The following CTNND2 variants were observed in gnomAD, a reference collection of about 807,000 sequenced individuals.
CTNND2 encodes the protein catenin delta 2.
In CTNND2, 22 loss-of-function variants were observed where a neutral mutation model predicts 144.4. The ratio of observed to expected loss-of-function variants is 0.15; its 90% CI spans 0.11 to 0.22. The LOEUF (loss-of-function observed/expected upper bound fraction) is 0.22. Ranked by LOEUF, CTNND2 falls within the 10% of genes least tolerant of loss-of-function variation. CTNND2 has a pLI of 1.00. For synonymous variants in CTNND2, 751 were observed against 695.6 expected (o/e 1.08, Z -1.25); for missense variants, 1,353 against 1,618.8 (o/e 0.84, Z 2.82).
rs962740585 is a variant in CTNND2 at position 11,117,356 on chromosome 5, A to G, written c.2277+94T>C. ...AGAGAGTTCAGAAGGAAAGTCTGAA[A>G]TACTGCATTGGCTCTCCAGGGTTGT... On this transcript the variant is annotated intron_variant, in intron 13 of 21. Transcript: ENST00000304623. 4 of 920,970 alleles carry G rather than the reference A, an allele frequency of 4.3e-6. No individual in the cohort carries two copies. In the Admixed American group the frequency reaches 7.3e-5, roughly 17 times the overall value. 57.0% of individuals were successfully genotyped at this position (920,970 alleles called of 1,614,324 possible). A position where few individuals can be genotyped will look rare whatever the true frequency, so the allele number is the denominator to read the frequency against.
At chr5:11,508,322 G>A (rs1771276304) in intron 3 of CTNND2, 2 of 152,196 alleles carry the variant, frequency 1.3e-5, no homozygotes, top group Admixed American at 1.3e-4. Flanking sequence ...TGTGGGATCT[G>A]ACTTTTTCCC....
chr5:11,244,488 T>C (rs1255664446), intron 9 of CTNND2, among the ~76,000 whole-genome samples: 2 of 152,146 alleles, frequency 1.3e-5, no homozygotes, highest in Non-Finnish European at 2.9e-5. Flanking sequence ...TTTTGCCATA[T>C]TGGCCAGGCT....
intron 1 of CTNND2, among the ~76,000 whole-genome samples, chr5:11,864,686 G>T (rs1240329843): frequency 6.6e-6 from 1 of 152,054 alleles, no homozygotes; most frequent in South Asian, 2.1e-4. Context: ...TGTAAGATGT[G>T]AGTGGCATCC....
intron 16 of CTNND2, among the ~76,000 whole-genome samples, chr5:11,070,263 T>C (rs1429907392): frequency 6.6e-6 from 1 of 151,772 alleles, no homozygotes; most frequent in Non-Finnish European, 1.5e-5. Context: ...AGCAGAGAAA[T>C]GGAAACTATA....
intron 7 of CTNND2, among the ~76,000 whole-genome samples, chr5:11,377,181 G>T (rs776511243): frequency 6.6e-6 from 1 of 151,942 alleles, no homozygotes; most frequent in Non-Finnish European, 1.5e-5. Context: ...CTCCTGAGTA[G>T]CTGGGATTAC....
intron 2 of CTNND2, among the ~76,000 whole-genome samples, chr5:11,700,685 T>G (rs919432283): frequency 1.3e-5 from 2 of 152,174 alleles, no homozygotes; most frequent in Non-Finnish European, 2.9e-5. Context: ...AATAGAGCAC[T>G]AGTTGAATAG....
At chr5:10,975,409 T>C (rs1410508189) in intron 21 of CTNND2, among the ~76,000 whole-genome samples, 1 of 152,250 alleles carries the variant, frequency 6.6e-6, no homozygotes, top group Non-Finnish European at 1.5e-5. Flanking sequence ...TGTGTCTGTC[T>C]ACATCAATAT....
chr5:11,183,506 A>T (rs902725759), intron 11 of CTNND2, among the ~76,000 whole-genome samples: 1 of 152,120 alleles, frequency 6.6e-6, no homozygotes. Flanking sequence ...GATACCCAGC[A>T]GCTAAGGCCC....
At chr5:11,149,204 AC>A (rs1341380509) in intron 12 of CTNND2, among the ~76,000 whole-genome samples, 6 of 152,166 alleles carry the variant, frequency 3.9e-5, no homozygotes, top group Non-Finnish European at 5.9e-5. Context: ...ATTTCCTCCA[AC>A]CACCTGACTC....
intron 10 of CTNND2, among the ~76,000 whole-genome samples, chr5:11,214,419 A>G (rs1406422524): frequency 2.0e-5 from 3 of 152,142 alleles, no homozygotes; most frequent in Non-Finnish European, 4.4e-5. Context: ...TATTGCATAC[A>G]ATTTTTCTCC....
chr5:11,807,236 T>C (rs1272003476), intron 1 of CTNND2, among the ~76,000 whole-genome samples: 2 of 152,318 alleles, frequency 1.3e-5, no homozygotes, highest in East Asian at 3.9e-4. Context: ...TATTTGTGTT[T>C]TTCCCCTTGG....
intron 2 of CTNND2, among the ~76,000 whole-genome samples, chr5:11,604,873 T>C (rs1041455832): frequency 1.3e-5 from 2 of 152,204 alleles, no homozygotes; most frequent in Admixed American, 1.3e-4. Context: ...AAGACCTACT[T>C]GTGCATTTGA....
chr5:11,226,806 C>A (rs1457805850), intron 10 of CTNND2, among the ~76,000 whole-genome samples: 1 of 152,184 alleles, frequency 6.6e-6, no homozygotes, highest in Non-Finnish European at 1.5e-5. Context: ...ATTGTTGCTT[C>A]CCCCTACTCA....
chr5:11,255,363 G>A (rs564278706), intron 9 of CTNND2, among the ~76,000 whole-genome samples: 7 of 152,298 alleles, frequency 4.6e-5, no homozygotes, highest in South Asian at 4.1e-4. Context: ...CAGACTTTGC[G>A]CTGGTTTTGC....
chr5:11,829,770 A>G lies in CTNND2; in HGVS notation c.37+74047T>C, dbSNP rs188326714. ...AGGCACTGCCTCGTGGAGCTGTGAG[A>G]AGAGGGCCACCATCCTCTAGACCCC... On this transcript the variant is annotated intron_variant, in intron 1 of 21. Coordinates refer to ENST00000304623, the MANE Select transcript of CTNND2 (RefSeq NM_001332.4). 2.1e-3 allele frequency among the ~76,000 whole-genome samples: 322 copies of G among 152,294 alleles called. 1 individual carries two copies. The highest frequency in any genetic ancestry group is 3.5e-3 in the Non-Finnish European group (240 of 68,016).
At chr5:11,214,090 A>G (rs928897081) in intron 10 of CTNND2, among the ~76,000 whole-genome samples, 4 of 152,152 alleles carry the variant, frequency 2.6e-5, no homozygotes, top group African/African-American at 9.7e-5. Flanking sequence ...ATAGCTACAG[A>G]TGTTGAGAAG....
chr5:11,030,079 C>T (rs1426606482), intron 16 of CTNND2, among the ~76,000 whole-genome samples: 1 of 151,978 alleles, frequency 6.6e-6, no homozygotes, highest in African/African-American at 2.4e-5. Flanking sequence ...AACCTACTAC[C>T]TCTGGTCTTC....
intron 3 of CTNND2, among the ~76,000 whole-genome samples, chr5:11,476,378 T>C (rs1236598992): frequency 2.6e-5 from 4 of 152,176 alleles, no homozygotes; most frequent in Admixed American, 1.3e-4. Flanking sequence ...ACGATTTCAC[T>C]CAAACTTCTC....
chr5:11,286,082 A>G (rs59509688), intron 9 of CTNND2, among the ~76,000 whole-genome samples: 6,214 of 152,206 alleles, frequency 0.041, 192 homozygotes, highest in African/African-American at 0.083. Flanking sequence ...ACCTCACACT[A>G]CACACAAGAA....
Sources: allele counts gnomAD v4.1 joint callset (sites outside exome capture counted in the v4.1 genomes callset), GRCh38; gene constraint gnomAD v4.1.1; transcripts MANE v1.5; gene names NCBI Gene and HGNC (gene_info 2026-07-23, HGNC 2026-07-21).